Variants in ARID4B observed in about 807,000 individuals in gnomAD.
ARID4B encodes the protein AT-rich interactive domain-containing protein 4B.
ARID4B carries 26 observed loss-of-function variants against 147.5 expected under a neutral mutation model. The ratio of observed to expected loss-of-function variants is 0.18; its 90% confidence interval spans 0.13 to 0.24. ARID4B has a LOEUF of 0.24. Among genes scored for constraint, ARID4B ranks in the 10% least tolerant of loss-of-function variants. ARID4B has a pLI of 1.00. For missense variants in ARID4B, 1,179 were observed against 1,511.5 expected (o/e 0.78, Z 3.65); for synonymous variants, 512 against 507.9 (o/e 1.01, Z -0.11).
intron 17 of ARID4B, among the ~76,000 whole-genome samples, chr1:235,211,664 G>A (rs1379358382): frequency 3.9e-5 from 6 of 152,078 alleles, no homozygotes; most frequent in Non-Finnish European, 8.8e-5. Flanking sequence ...CTGCAGCCTC[G>A]AATTCCTGGG....
Position 235,181,623 on chromosome 1 carries a change from C to T in ARID4B, c.3296G>A (p.Ser1099Asn). 1 of 1,613,664 alleles carries T rather than the reference C, an allele frequency of 6.2e-7. No individual in the cohort carries two copies. Among genetic ancestry groups the T allele is most frequent in the Non-Finnish European group, 8.5e-7 (1 of 1,180,026 alleles). The change falls in exon 20 of 24, where the codon AGC becomes AAC. Residue 1099 changes from serine (S) to asparagine (N), a missense_variant. Ser to Asn is a conservative substitution (Grantham distance 46). Around this residue, in one of 10 missense-constraint regions of ARID4B, gnomAD observed 357 missense variants for 427.3 expected, o/e 0.84. Coordinates refer to ENST00000264183, the MANE Select transcript of ARID4B (RefSeq NM_016374.6). ...TTCTGGTTCTGGCTGATTACTACTG[C>T]TTGAGCTCACACTGGCATCAAAACC... ...PAGFDASVSS[S>N]SSNQPEPEHP... is the part of the protein sequence containing the mutation.
rs1663780840 is a variant in ARID4B, at chr1:235,175,274, C to T, written c.3574G>A (p.Gly1192Arg). The change falls in exon 22 of 24, where the codon GGA becomes AGA. Residue 1192 changes from glycine to arginine, a missense_variant. Physicochemically the swap from Gly to Arg is moderately radical, Grantham distance 125 (BLOSUM62 -2). Coordinates refer to ENST00000264183, the MANE Select transcript of ARID4B (RefSeq NM_016374.6). ...TTATCACCATTCTTTCCACATTTTCCTGGAGACTGCGTCCTTGCGGGAGAT... is the reference window on the plus strand; with the variant it reads ...TTATCACCATTCTTTCCACATTTTCTTGGAGACTGCGTCCTTGCGGGAGAT... ...TKSPARTQSP[G>R]KCGKNGDKDP... The T allele has an allele frequency of 6.2e-7, 1 of 1,614,158 alleles. No homozygotes were observed. The highest frequency in any genetic ancestry group is 1.1e-5 in the South Asian group (1 of 91,076).
intron 2 of ARID4B, among the ~76,000 whole-genome samples, chr1:235,268,538 T>C (rs967532847): frequency 5.9e-5 from 9 of 152,164 alleles, no homozygotes; most frequent in Non-Finnish European, 1.0e-4. Context: ...TATTTATTTA[T>C]TTTTAATTGA....
At chr1:235,288,698 G>C (rs2103202815) in intron 2 of ARID4B, among the ~76,000 whole-genome samples, 1 of 152,254 alleles carries the variant, frequency 6.6e-6, no homozygotes, top group South Asian at 2.1e-4. Flanking sequence ...CAGCTTCCTT[G>C]TGCACCTGTA....
chr1:235,255,226 G>T (rs61836151), intron 5 of ARID4B, among the ~76,000 whole-genome samples: 654 of 62,532 alleles, frequency 0.01, 20 homozygotes, highest in South Asian at 0.03. Flanking sequence ...GAGCTAGATA[G>T]ATAGATAGAT....
intron 2 of ARID4B, among the ~76,000 whole-genome samples, chr1:235,277,330 A>C (rs1218853631): frequency 6.6e-6 from 1 of 152,110 alleles, no homozygotes. Flanking sequence ...ACCTGAGGTC[A>C]GAAGTTCAAG....
At position 235,167,074 on chromosome 1, in the gene ARID4B, T is replaced by C. The variant is rs773693560; in HGVS notation, c.*1451A>G. ...CTTTACAGTCCTGTACAAATTTGAATAACTTGAAACCATTTTCAACAAAAT... is the reference window on the plus strand; with the variant it reads ...CTTTACAGTCCTGTACAAATTTGAACAACTTGAAACCATTTTCAACAAAAT... On this transcript the variant is annotated 3_prime_UTR_variant, in exon 24 of 24. Transcript: ENST00000264183. 5.4e-6 allele frequency: 1 copy of C among 186,052 alleles called. No individual in the cohort carries two copies. Among genetic ancestry groups the C allele is most frequent in the Non-Finnish European group, 1.1e-5 (1 of 87,650 alleles). The allele number at this position is 186,052 out of a possible 1,614,324, so 11.5% of individuals were successfully genotyped here.
At chr1:235,281,103 G>A (rs1354393240) in intron 2 of ARID4B, among the ~76,000 whole-genome samples, 2 of 145,168 alleles carry the variant, frequency 1.4e-5, no homozygotes, top group African/African-American at 2.9e-5. Flanking sequence ...TTCTCACCAG[G>A]ACAACTCTAT....
chr1:235,293,505 T>C (rs1672477202), intron 2 of ARID4B, among the ~76,000 whole-genome samples: 1 of 152,282 alleles, frequency 6.6e-6, no homozygotes, highest in East Asian at 1.9e-4. Flanking sequence ...AGTACAATTA[T>C]CTACTTATAC....
intron 11 of ARID4B, chr1:235,228,670 G>A (rs1409843409): frequency 7.8e-5 from 11 of 140,154 alleles, no homozygotes; most frequent in African/African-American, 2.9e-4. Flanking sequence ...TTTTGAGACA[G>A]AGTCTCGCTC....
intron 2 of ARID4B, among the ~76,000 whole-genome samples, chr1:235,283,129 C>T (rs1671770696): frequency 1.3e-5 from 2 of 152,180 alleles, no homozygotes; most frequent in African/African-American, 2.4e-5. Flanking sequence ...TTTTAAAACA[C>T]ATTCATTTTC....
At chr1:235,325,007 C>A (rs1424782407) in intron 2 of ARID4B, among the ~76,000 whole-genome samples, 2 of 152,150 alleles carry the variant, frequency 1.3e-5, no homozygotes, top group Non-Finnish European at 2.9e-5. Context: ...TTCTGAATTG[C>A]AATTTTTGCT....
intron 2 of ARID4B, among the ~76,000 whole-genome samples, chr1:235,311,459 A>G (rs999432895): frequency 2.0e-5 from 3 of 151,842 alleles, no homozygotes; most frequent in Admixed American, 1.3e-4. Flanking sequence ...TTTGCCACCT[A>G]CTAGTACTAG....
At chr1:235,271,728 C>T (rs1301089663) in intron 2 of ARID4B, among the ~76,000 whole-genome samples, 1 of 152,026 alleles carries the variant, frequency 6.6e-6, no homozygotes, top group Non-Finnish European at 1.5e-5. Context: ...GTGGGCAGAT[C>T]ACCTGAGGTA....
At chr1:235,311,590 G>A (rs920863995) in intron 2 of ARID4B, among the ~76,000 whole-genome samples, 11 of 151,322 alleles carry the variant, frequency 7.3e-5, no homozygotes, top group African/African-American at 2.4e-4. Flanking sequence ...CCTGGCCAAC[G>A]TGGCAAAACC....
rs1670039885 is a variant in ARID4B at position 235,257,216 on chromosome 1, T to C, written c.127A>G (p.Arg43Gly). Residue 43 changes from arginine (R) to glycine (G), a missense_variant, in exon 4 of 24, where the codon AGA (arginine) becomes GGA (glycine). By Grantham distance (125) the Arg-to-Gly change is moderately radical. Around this residue, in one of 10 missense-constraint regions of ARID4B, gnomAD observed 56 missense variants for 99.2 expected, o/e 0.56. Transcript: ENST00000264183. Reference sequence around the variant, plus strand: ...ACTTCCACTGTTGAAGAATCATGTCTAAATGTCACCTAGAGATTATAAGTT... The same window carrying C: ...ACTTCCACTGTTGAAGAATCATGTCCAAATGTCACCTAGAGATTATAAGTT... ...KRLVKVKVTF[R>G]HDSSTVEVQD... The C allele has an allele frequency of 6.2e-7, 1 of 1,612,016 alleles. No homozygotes were observed. The highest frequency in any genetic ancestry group is 1.3e-5 in the African/African-American group (1 of 74,892).
intron 2 of ARID4B, among the ~76,000 whole-genome samples, chr1:235,305,187 C>A (rs1261023533): frequency 6.6e-6 from 1 of 152,074 alleles, no homozygotes; most frequent in African/African-American, 2.4e-5. Flanking sequence ...TTTGAAGACA[C>A]CAGGCTGCTG....
chr1:235,255,383 T>C (rs1403116276), intron 5 of ARID4B, among the ~76,000 whole-genome samples: 1 of 134,510 alleles, frequency 7.4e-6, no homozygotes, highest in Non-Finnish European at 1.6e-5. Context: ...ATAGGTAAGA[T>C]TGGGGAAAAA....
chr1:235,182,303 C>G lies in ARID4B; in HGVS notation c.2616G>C (p.Lys872Asn), dbSNP rs201667072. Reference protein sequence around the residue: ...SDEDEEETKAKMTPTKKYNGL... With the variant: ...SDEDEEETKANMTPTKKYNGL... Reference sequence around the variant, plus strand: ...CATTGTATTTCTTAGTTGGTGTCATCTTTGCTTTTGTTTCTTCTTCATCTT... The same window carrying G: ...CATTGTATTTCTTAGTTGGTGTCATGTTTGCTTTTGTTTCTTCTTCATCTT... Residue 872 changes from lysine to asparagine, a missense_variant, in exon 20 of 24, where the codon AAG becomes AAC. By Grantham distance (94) the Lys-to-Asn change is moderately conservative. This residue lies in a region of ARID4B where 321 missense variants were observed against 342.4 expected (regional missense o/e 0.94). Coordinates refer to ENST00000264183, the MANE Select transcript of ARID4B (RefSeq NM_016374.6). The G allele has an allele frequency of 6.2e-7, 1 of 1,613,924 alleles. No individual in the cohort carries two copies. Among genetic ancestry groups the G allele is most frequent in the East Asian group, 2.2e-5 (1 of 44,878 alleles).
Sources: gnomAD v4.1 joint callset for allele counts (sites outside exome capture counted in the v4.1 genomes callset) on GRCh38, gnomAD v4.1.1 for gene constraint, gnomAD v4.1.1 regional missense constraint, MANE v1.5 for transcripts, NCBI Gene and HGNC (gene_info 2026-07-23, HGNC 2026-07-21) for gene names.